The following RIC1 variants were observed in gnomAD, a reference collection of about 807,000 sequenced individuals.
RIC1 encodes the protein guanine nucleotide exchange factor subunit RIC1.
In RIC1, 88 loss-of-function variants were observed where a neutral mutation model predicts 169.0. The observed-to-expected ratio is 0.52, with a 90% CI of 0.44 to 0.62. The LOEUF (loss-of-function observed/expected upper bound fraction) is 0.62. Ranked by LOEUF, RIC1 falls within the 20% of genes least tolerant of loss-of-function variation. The pLI, the probability that RIC1 is intolerant of heterozygous loss-of-function variation, is 0.00. For missense variants in RIC1, 1,877 were observed against 1,725.5 expected (o/e 1.09, Z -1.56); for synonymous variants, 790 against 601.5 (o/e 1.31, Z -4.59).
At chr9:5,703,893 T>A (rs1183722549) in intron 3 of RIC1, among the ~76,000 whole-genome samples, 1 of 152,228 alleles carries the variant, frequency 6.6e-6, no homozygotes, top group Non-Finnish European at 1.5e-5. Flanking sequence ...TTTTCAATTA[T>A]TTTTGGGTAT....
chr9:5,651,923 A>T (rs1373791153), intron 1 of RIC1, among the ~76,000 whole-genome samples: 1 of 152,158 alleles, frequency 6.6e-6, no homozygotes, highest in East Asian at 1.9e-4. Flanking sequence ...GTCTAATTTC[A>T]TTCTTTTGCA....
intron 2 of RIC1, among the ~76,000 whole-genome samples, chr9:5,689,251 C>T (rs1435103712): frequency 6.6e-6 from 1 of 151,730 alleles, no homozygotes; most frequent in Non-Finnish European, 1.5e-5. Context: ...CAGGGTTTCA[C>T]CACGTTAGCC....
chr9:5,657,616 A>T (rs1330709866), intron 2 of RIC1, among the ~76,000 whole-genome samples: 2 of 152,120 alleles, frequency 1.3e-5, no homozygotes, highest in Non-Finnish European at 2.9e-5. Flanking sequence ...CTATATCCTT[A>T]TATCTAATTT....
intron 6 of RIC1, among the ~76,000 whole-genome samples, chr9:5,721,608 T>G (rs918414221): frequency 6.6e-6 from 1 of 152,226 alleles, no homozygotes; most frequent in Non-Finnish European, 1.5e-5. Context: ...ACCAGTTTCA[T>G]CTGGGACAAG....
intron 2 of RIC1, among the ~76,000 whole-genome samples, chr9:5,657,547 A>C (rs1014981528): frequency 1.3e-5 from 2 of 152,154 alleles, no homozygotes; most frequent in African/African-American, 4.8e-5. Context: ...ATCCAAGGTT[A>C]CATGCGTAGT....
intron 2 of RIC1, among the ~76,000 whole-genome samples, chr9:5,671,274 AT>A (rs1231921630): frequency 0.025 from 3,447 of 136,084 alleles, 139 homozygotes; most frequent in African/African-American, 0.097. Context: ...TATTATTATT[AT>A]TTTTTTTTTT....
intron 2 of RIC1, among the ~76,000 whole-genome samples, chr9:5,657,889 A>T (rs1819195568): frequency 6.6e-6 from 1 of 152,164 alleles, no homozygotes; most frequent in Non-Finnish European, 1.5e-5. Flanking sequence ...TGTGATACTT[A>T]AATTTCAGTG....
chr9:5,690,099 C>G (rs2130710981), intron 3 of RIC1, 61 bp downstream of exon 3: 3 of 1,185,894 alleles, frequency 2.5e-6, no homozygotes, highest in South Asian at 1.5e-5. Flanking sequence ...TTCAGAAAAA[C>G]ATTACAGTTT....
At chr9:5,673,509 A>T (rs1820236799) in intron 2 of RIC1, among the ~76,000 whole-genome samples, 1 of 126,702 alleles carries the variant, frequency 7.9e-6, no homozygotes, top group African/African-American at 3.3e-5. Context: ...TACCCCACAA[A>T]ATATATATGC....
intron 1 of RIC1, among the ~76,000 whole-genome samples, chr9:5,654,414 T>G (rs1818970279): frequency 1.3e-5 from 2 of 152,070 alleles, no homozygotes; most frequent in African/African-American, 4.8e-5. Context: ...GTCCAGCTAA[T>G]TTTTGTAATT....
intron 2 of RIC1, 34 bp from the exon 3 acceptor site, chr9:5,689,925 C>A: frequency 7.1e-7 from 1 of 1,410,036 alleles, no homozygotes; most frequent in Non-Finnish European, 9.9e-7. Flanking sequence ...TAGCCTTACT[C>A]TTTAATTCAT....
intron 2 of RIC1, among the ~76,000 whole-genome samples, chr9:5,658,204 G>A (rs919817634): frequency 6.6e-6 from 1 of 152,104 alleles, no homozygotes; most frequent in African/African-American, 2.4e-5. Context: ...GCACACTGTA[G>A]TGTGGTTTCT....
chr9:5,658,919 G>A (rs1209761138), intron 2 of RIC1, among the ~76,000 whole-genome samples: 1 of 150,064 alleles, frequency 6.7e-6, no homozygotes, highest in Non-Finnish European at 1.5e-5. Context: ...TTGGAAAATA[G>A]CTTTTGCTGT....
chr9:5,755,638 C>T (rs1474423094), intron 15 of RIC1, among the ~76,000 whole-genome samples: 2 of 152,082 alleles, frequency 1.3e-5, no homozygotes, highest in East Asian at 1.9e-4. Flanking sequence ...ATCTGCAGGT[C>T]TAGGCCAGGT....
Position 5,629,431 on chromosome 9 carries a change from G to A in RIC1, c.122G>A (p.Arg41His). 2 of 1,533,322 alleles carry A rather than the reference G, an allele frequency of 1.3e-6. No individual in the cohort carries two copies. The highest frequency in any genetic ancestry group is 2.7e-5 in the African/African-American group (2 of 72,852). The allele number at this position is 1,533,322 out of a possible 1,614,324, so 95.0% of individuals were successfully genotyped here. ...RAFFAVLAAA[R>H]LSIWYSRPSV... ...TTCTTCGCCGTGCTGGCCGCGGCCCGCCTCAGCATCTGGTACAGCCGAGTA... is the reference window on the plus strand; with the variant it reads ...TTCTTCGCCGTGCTGGCCGCGGCCCACCTCAGCATCTGGTACAGCCGAGTA... Residue 41 changes from arginine to histidine, a missense_variant, in exon 1 of 26, where the codon CGC becomes CAC. Physicochemically the swap from Arg to His is conservative, Grantham distance 29. Coordinates refer to ENST00000414202, the MANE Select transcript of RIC1 (RefSeq NM_020829.4).
intron 5 of RIC1, 129 bp downstream of exon 5, chr9:5,720,453 C>CG: frequency 8.8e-7 from 1 of 1,141,918 alleles, no homozygotes; most frequent in Non-Finnish European, 1.2e-6. Context: ...GTATGAGAGG[C>CG]GGGGTGAGAG....
chr9:5,634,442 T>G (rs559632550), intron 1 of RIC1, among the ~76,000 whole-genome samples: 36 of 152,348 alleles, frequency 2.4e-4, no homozygotes, highest in African/African-American at 8.4e-4. Flanking sequence ...GTGAGGTATC[T>G]TATGGTTTTG....
chr9:5,644,342 T>C (rs1818398785), intron 1 of RIC1, among the ~76,000 whole-genome samples: 1 of 152,216 alleles, frequency 6.6e-6, no homozygotes, highest in Non-Finnish European at 1.5e-5. Flanking sequence ...GTTTGGTTTT[T>C]ATTTAGCATA....
rs986678393 is a variant in RIC1 at position 5,721,032 on chromosome 9, C to G, written c.720+282C>G. 2.6e-5 allele frequency among the ~76,000 whole-genome samples: 4 copies of G among 152,226 alleles called. No homozygotes were observed. The South Asian group carries it at 8.3e-4, about 32-fold the overall frequency. On this transcript the variant is annotated intron_variant, in intron 6 of 25. Transcript: ENST00000414202. The stretch of plus-strand genomic sequence containing the variant: ...TACTGGTTATTTTGATTTTTAATCT[C>G]CACTACTCTGAATATTTCCTTTAAT...
Sources: allele counts gnomAD v4.1 joint callset (sites outside exome capture counted in the v4.1 genomes callset), GRCh38; gene constraint gnomAD v4.1.1; transcripts MANE v1.5; gene names NCBI Gene and HGNC (gene_info 2026-07-23, HGNC 2026-07-21).